Variants in TMEM163 observed in about 807,000 individuals in gnomAD.
TMEM163 encodes transmembrane protein 163.
In TMEM163, 17 loss-of-function variants were observed where a neutral mutation model predicts 29.3. That is an observed-to-expected ratio of 0.58 (90% CI 0.40 to 0.87). The LOEUF is 0.87. TMEM163 is among the 40% of genes least tolerant of loss of function. The probability of loss-of-function intolerance (pLI) is 0.00; values close to 1 mark genes in which losing one functional copy is unlikely to be tolerated. For synonymous variants in TMEM163, 157 were observed against 160.6 expected (o/e 0.98, Z 0.17); for missense variants, 303 against 381.5 (o/e 0.79, Z 1.71).
intron 2 of TMEM163, among the ~76,000 whole-genome samples, chr2:134,678,599 A>C (rs941408493): frequency 6.6e-6 from 1 of 152,230 alleles, no homozygotes; most frequent in Non-Finnish European, 1.5e-5. Flanking sequence ...GTCAGAGCAG[A>C]GGCCCTGGAA....
At chr2:134,621,519 G>A (rs1264752177) in intron 2 of TMEM163, among the ~76,000 whole-genome samples, 1 of 152,166 alleles carries the variant, frequency 6.6e-6, no homozygotes, top group Non-Finnish European at 1.5e-5. Flanking sequence ...GCAAAGCCTT[G>A]TATGCAAATA....
chr2:134,487,405 A>T (rs1165534517), intron 5 of TMEM163, among the ~76,000 whole-genome samples: 1 of 152,200 alleles, frequency 6.6e-6, no homozygotes, highest in Non-Finnish European at 1.5e-5. Flanking sequence ...TCACCAAAGG[A>T]CATAAAAGAA....
At chr2:134,614,833 G>A (rs893563067) in intron 2 of TMEM163, among the ~76,000 whole-genome samples, 1 of 151,412 alleles carries the variant, frequency 6.6e-6, no homozygotes, top group Non-Finnish European at 1.5e-5. Context: ...CAGCCTGTGC[G>A]ACAGAGTGAG....
chr2:134,718,392 A>G (rs1685083855), intron 1 of TMEM163, among the ~76,000 whole-genome samples: 1 of 152,232 alleles, frequency 6.6e-6, no homozygotes, highest in African/African-American at 2.4e-5. Context: ...GGAGTGGCCC[A>G]GAAGCGCTCG....
chr2:134,545,115 T>C (rs981539116), intron 4 of TMEM163, among the ~76,000 whole-genome samples: 2 of 152,204 alleles, frequency 1.3e-5, no homozygotes, highest in Non-Finnish European at 2.9e-5. Flanking sequence ...TTTTGTGTCA[T>C]GCTCTCTTCA....
chr2:134,660,767 G>A (rs901724601), intron 2 of TMEM163, among the ~76,000 whole-genome samples: 1 of 152,240 alleles, frequency 6.6e-6, no homozygotes, highest in Non-Finnish European at 1.5e-5. Flanking sequence ...CACAGTCTAA[G>A]TGTGCATGCC....
chr2:134,597,163 G>A (rs1682106233), intron 2 of TMEM163, among the ~76,000 whole-genome samples: 1 of 152,152 alleles, frequency 6.6e-6, no homozygotes, highest in Non-Finnish European at 1.5e-5. Context: ...GAATAGGAGT[G>A]GTGAGAGAGG....
chr2:134,618,686 A>C (rs1330761274), intron 2 of TMEM163, among the ~76,000 whole-genome samples: 1 of 151,944 alleles, frequency 6.6e-6, no homozygotes, highest in African/African-American at 2.4e-5. Context: ...ACTACAAAAA[A>C]ATCCAATTAG....
At chr2:134,618,514 T>TA (rs1682661745) in intron 2 of TMEM163, among the ~76,000 whole-genome samples, 1 of 152,104 alleles carries the variant, frequency 6.6e-6, no homozygotes, top group Non-Finnish European at 1.5e-5. Flanking sequence ...AGTAAAGATA[T>TA]AAAAAATTGA....
intron 5 of TMEM163, among the ~76,000 whole-genome samples, chr2:134,488,571 G>A (rs948584745): frequency 2.0e-5 from 3 of 152,182 alleles, no homozygotes; most frequent in Admixed American, 2.0e-4. Context: ...TTGAGGTTTT[G>A]GGACTCAGAC....
intron 7 of TMEM163, among the ~76,000 whole-genome samples, chr2:134,457,325 G>A (rs1025247355): frequency 2.6e-5 from 4 of 152,186 alleles, no homozygotes; most frequent in Admixed American, 1.3e-4. Flanking sequence ...GTGCTGGGGC[G>A]AATGGTAACT....
chr2:134,676,637 T>C (rs1253990416), intron 2 of TMEM163, among the ~76,000 whole-genome samples: 1 of 152,204 alleles, frequency 6.6e-6, no homozygotes, highest in African/African-American at 2.4e-5. Flanking sequence ...AACATTCTTC[T>C]TGTCCTTGGA....
At chr2:134,581,185 G>A (rs142273355) in intron 2 of TMEM163, among the ~76,000 whole-genome samples, 204 of 152,292 alleles carry the variant, frequency 1.3e-3, no homozygotes, top group African/African-American at 4.8e-3. Flanking sequence ...TTTGCTTCCT[G>A]AGGCACCATT....
intron 5 of TMEM163, chr2:134,467,743 G>C (rs1042994163): frequency 6.6e-6 from 1 of 152,166 alleles, no homozygotes; most frequent in Non-Finnish European, 1.5e-5. Flanking sequence ...GAAAGTCTAG[G>C]GTTTCGTGAA....
chr2:134,613,220 G>T (rs1171094357), intron 2 of TMEM163, among the ~76,000 whole-genome samples: 1 of 152,114 alleles, frequency 6.6e-6, no homozygotes, highest in African/African-American at 2.4e-5. Context: ...CCAGCCAAAA[G>T]AAGAGAAAGA....
intron 2 of TMEM163, among the ~76,000 whole-genome samples, chr2:134,630,557 A>T (rs1682944121): frequency 6.6e-6 from 1 of 152,174 alleles, no homozygotes; most frequent in Non-Finnish European, 1.5e-5. Flanking sequence ...CAGCCTAGAC[A>T]TGGGCCCGGC....
intron 2 of TMEM163, among the ~76,000 whole-genome samples, chr2:134,566,217 G>A (rs1681297421): frequency 6.6e-6 from 1 of 152,064 alleles, no homozygotes; most frequent in Admixed American, 6.5e-5. Flanking sequence ...ATAAACATAA[G>A]GTAGCAAAAC....
intron 5 of TMEM163, chr2:134,468,758 C>G (rs1686725972): frequency 6.6e-6 from 1 of 152,222 alleles, no homozygotes; most frequent in Non-Finnish European, 1.5e-5. Context: ...GTGTGCTGCC[C>G]CACCCTGAGA....
At chr2:134,691,718 C>T (rs984281949) in intron 2 of TMEM163, among the ~76,000 whole-genome samples, 6 of 152,206 alleles carry the variant, frequency 3.9e-5, no homozygotes, top group Admixed American at 3.3e-4. Context: ...ACCACTCTGA[C>T]AAAATGTTCT....
Sources: allele counts gnomAD v4.1 joint callset (sites outside exome capture counted in the v4.1 genomes callset), GRCh38; gene constraint gnomAD v4.1.1; transcripts MANE v1.5; gene names NCBI Gene and HGNC (gene_info 2026-07-23, HGNC 2026-07-21).